Variants in HMGCLL1 observed in about 807,000 individuals in gnomAD.
HMGCLL1 encodes the protein 3-hydroxymethyl-3-methylglutaryl-CoA lyase, cytoplasmic.
Under a neutral mutation model 39.1 loss-of-function variants are expected in HMGCLL1, and 36 were observed. That is an observed-to-expected ratio of 0.92 (90% confidence interval 0.71 to 1.22). HMGCLL1 has a LOEUF of 1.22. Ranked by LOEUF, HMGCLL1 falls within the 50% of genes most tolerant of loss-of-function variation. The pLI is 0.00. For missense variants in HMGCLL1, 451 were observed against 416.5 expected, an observed-to-expected ratio of 1.08 and a Z score of -0.72; for synonymous variants, 149 against 144.0, an observed-to-expected ratio of 1.03 and a Z score of -0.25.
At chr6:55,585,143 T>C in the HMGCLL1 span, among the ~76,000 whole-genome samples, 1 of 152,066 alleles carries the variant, frequency 6.6e-6, no homozygotes, top group Non-Finnish European at 1.5e-5. Context: ...GAGCATTCTT[T>C]TGAGAATAAG....
Position 55,579,134 on chromosome 6 carries a change from CG to C in HMGCLL1, c.-80del. 1 of 1,118,436 alleles carries C rather than the reference CG, an allele frequency of 8.9e-7. No individual in the cohort carries two copies. Among genetic ancestry groups the C allele is most frequent in the Non-Finnish European group, 1.3e-6 (1 of 757,416 alleles). The allele number at this position is 1,118,436 out of a possible 1,614,324, so 69.3% of individuals were successfully genotyped here. A position where few individuals can be genotyped will look rare whatever the true frequency, so the allele number is the denominator to read the frequency against. On this transcript the variant is annotated 5_prime_UTR_variant, in exon 1 of 9. Coordinates refer to ENST00000274901, the MANE Select transcript of HMGCLL1 (RefSeq NM_001042406.2). ...GGGCGGGCACCGCGCTGGGAAACTG[CG>C]CCAGCTCGGGAGCGCGCCCCTCCGG...
At chr6:55,519,749 T>G (rs1006361129) in intron 3 of HMGCLL1, among the ~76,000 whole-genome samples, 1 of 152,110 alleles carries the variant, frequency 6.6e-6, no homozygotes, top group African/African-American at 2.4e-5. Context: ...ATATGTATTC[T>G]CATGATAACA....
At chr6:55,495,696 A>G (rs1766541328) in intron 6 of HMGCLL1, 89 bp from the exon 7 acceptor site, 1 of 868,598 alleles carries the variant, frequency 1.2e-6, no homozygotes, top group African/African-American at 1.7e-5. Context: ...CTAAAGGTAA[A>G]AATTACAACT....
chr6:55,664,833 T>C, the HMGCLL1 span, among the ~76,000 whole-genome samples: 1 of 151,616 alleles, frequency 6.6e-6, no homozygotes, highest in African/African-American at 2.4e-5. Flanking sequence ...CCTTTGCTCC[T>C]TTGGCCTCTT....
At chr6:55,471,418 T>C (rs1181400168) in intron 7 of HMGCLL1, among the ~76,000 whole-genome samples, 1 of 151,772 alleles carries the variant, frequency 6.6e-6, no homozygotes, top group Admixed American at 6.6e-5. Flanking sequence ...ATTTACCAGG[T>C]ATATACCAAG....
the HMGCLL1 span, among the ~76,000 whole-genome samples, chr6:55,653,374 A>G: frequency 3.0e-4 from 46 of 152,186 alleles, no homozygotes; most frequent in African/African-American, 1.1e-3. Context: ...AGTCGATTGT[A>G]TGAAACCTAG....
the HMGCLL1 span, among the ~76,000 whole-genome samples, chr6:55,672,914 A>G: frequency 6.6e-6 from 1 of 151,912 alleles, no homozygotes; most frequent in Non-Finnish European, 1.5e-5. Context: ...AGGCACACTA[A>G]TATTGGAATT....
chr6:55,571,181 T>C (rs1304549990), intron 1 of HMGCLL1, among the ~76,000 whole-genome samples: 1 of 152,222 alleles, frequency 6.6e-6, no homozygotes, highest in Non-Finnish European at 1.5e-5. Flanking sequence ...ATTGTGTTCA[T>C]GATTAAATCT....
intron 1 of HMGCLL1, among the ~76,000 whole-genome samples, chr6:55,558,146 A>G (rs1217535391): frequency 6.6e-6 from 1 of 152,264 alleles, no homozygotes; most frequent in Non-Finnish European, 1.5e-5. Context: ...CCAGAAGGAT[A>G]GAAAACTAAC....
the HMGCLL1 span, among the ~76,000 whole-genome samples, chr6:55,606,279 A>G: frequency 6.6e-6 from 1 of 152,208 alleles, no homozygotes; most frequent in South Asian, 2.1e-4. Flanking sequence ...TTTCTCAATG[A>G]CTTTTTATAC....
chr6:55,473,747 CCTT>C (rs1323306864), intron 7 of HMGCLL1, among the ~76,000 whole-genome samples: 7 of 151,258 alleles, frequency 4.6e-5, no homozygotes, highest in Admixed American at 6.6e-5. Context: ...ACATAAGTAT[CCTT>C]CTTTGTGAAG....
chr6:55,634,426 A>G, the HMGCLL1 span, among the ~76,000 whole-genome samples: 1 of 152,142 alleles, frequency 6.6e-6, no homozygotes, highest in Non-Finnish European at 1.5e-5. Context: ...TGACTTTAGC[A>G]CTCTTTCTTC....
intron 7 of HMGCLL1, among the ~76,000 whole-genome samples, chr6:55,482,884 T>G (rs1351257487): frequency 6.6e-6 from 1 of 152,066 alleles, no homozygotes; most frequent in Non-Finnish European, 1.5e-5. Flanking sequence ...ATAAATAAAT[T>G]TAAACTTTTA....
chr6:55,628,867 C>T, the HMGCLL1 span, among the ~76,000 whole-genome samples: 1 of 152,118 alleles, frequency 6.6e-6, no homozygotes, highest in South Asian at 2.1e-4. Context: ...TGACTTGTTC[C>T]TCTTTGTCTT....
intron 3 of HMGCLL1, among the ~76,000 whole-genome samples, chr6:55,530,681 T>G (rs1377924640): frequency 6.6e-6 from 1 of 152,136 alleles, no homozygotes; most frequent in East Asian, 1.9e-4. Flanking sequence ...ACATGTAAAA[T>G]CCATTGTCTA....
At chr6:55,516,650 T>C (rs750294644) in intron 3 of HMGCLL1, 47 bp from the exon 4 acceptor site, 2 of 1,255,952 alleles carry the variant, frequency 1.6e-6, no homozygotes, top group Admixed American at 1.7e-5. Flanking sequence ...TCGAATATGT[T>C]ACCGAGAATC....
At chr6:55,459,720 T>C (rs1764475705) in intron 7 of HMGCLL1, among the ~76,000 whole-genome samples, 1 of 152,054 alleles carries the variant, frequency 6.6e-6, no homozygotes, top group Non-Finnish European at 1.5e-5. Flanking sequence ...TTGAGATGTA[T>C]AAATCAGATG....
the HMGCLL1 span, among the ~76,000 whole-genome samples, chr6:55,660,049 G>A: frequency 3.3e-5 from 5 of 151,752 alleles, no homozygotes; most frequent in African/African-American, 7.2e-5. Context: ...CTTTTATCCT[G>A]GCTAGATTGT....
the HMGCLL1 span, among the ~76,000 whole-genome samples, chr6:55,665,098 G>A: frequency 1.3e-5 from 2 of 151,658 alleles, no homozygotes; most frequent in African/African-American, 2.4e-5. Context: ...ACAATTACTA[G>A]GGAATAGGAA....
Sources: gnomAD v4.1 joint callset for allele counts (sites outside exome capture counted in the v4.1 genomes callset) on GRCh38, gnomAD v4.1.1 for gene constraint, MANE v1.5 for transcripts, NCBI Gene and HGNC (gene_info 2026-07-23, HGNC 2026-07-21) for gene names.